BCAR3: variants seen among roughly 807,000 people sequenced by gnomAD.
BCAR3 encodes BCAR3 adaptor protein, NSP family member.
BCAR3 carries 37 observed loss-of-function variants against 80.1 expected under a neutral mutation model. That is an observed-to-expected ratio of 0.46 (90% confidence interval 0.36 to 0.61). The LOEUF is 0.61. BCAR3 is among the 20% of genes least tolerant of loss of function. The pLI, the probability that BCAR3 is intolerant of heterozygous loss-of-function variation, is 0.00. For missense variants in BCAR3, 978 were observed against 1,068.2 expected (o/e 0.92, Z 1.18); for synonymous variants, 389 against 418.9 (o/e 0.93, Z 0.87).
At chr1:93,837,338 A>T (rs542537830) in intron 2 of BCAR3, among the ~76,000 whole-genome samples, 5 of 152,254 alleles carry the variant, frequency 3.3e-5, no homozygotes, top group Non-Finnish European at 5.9e-5. Context: ...AGTTCATTTA[A>T]GCCTCAGTTG....
At chr1:93,715,824 T>A (rs1650170802) in intron 2 of BCAR3, among the ~76,000 whole-genome samples, 1 of 152,216 alleles carries the variant, frequency 6.6e-6, no homozygotes, top group Non-Finnish European at 1.5e-5. Context: ...CTAACCGAGA[T>A]AAAAGCTGTA....
chr1:93,563,752 G>C lies in BCAR3; in HGVS notation c.2300-1333C>G, dbSNP rs1016198087. Among the ~76,000 whole-genome samples, 5 of 152,112 alleles carry C rather than the reference G, an allele frequency of 3.3e-5. No individual in the cohort carries two copies. In the South Asian group the frequency reaches 6.2e-4, roughly 19 times the overall value. On this transcript the variant is annotated intron_variant, in intron 11 of 11. Coordinates refer to ENST00000260502, the MANE Select transcript of BCAR3 (RefSeq NM_003567.4). ...GTGTTGCCCAGGCTGGAGTGCAGTG[G>C]CACGATCCTGGCTCACCACAACCTC...
chr1:93,584,434 C>T (rs951831453), intron 5 of BCAR3, among the ~76,000 whole-genome samples: 10 of 152,132 alleles, frequency 6.6e-5, no homozygotes, highest in African/African-American at 2.4e-4. Context: ...ACGATACTCC[C>T]GGGAAAATCT....
At chr1:93,741,572 A>T (rs1017951166) in intron 2 of BCAR3, among the ~76,000 whole-genome samples, 2 of 152,090 alleles carry the variant, frequency 1.3e-5, no homozygotes, top group Non-Finnish European at 2.9e-5. Flanking sequence ...TTATTTTATT[A>T]TTATTATTAT....
chr1:93,633,625 G>C (rs1476884924), intron 3 of BCAR3, among the ~76,000 whole-genome samples: 1 of 152,046 alleles, frequency 6.6e-6, no homozygotes, highest in African/African-American at 2.4e-5. Flanking sequence ...TGAAATACAA[G>C]GCTTTAACTT....
At chr1:93,774,416 A>G (rs7536914) in intron 2 of BCAR3, among the ~76,000 whole-genome samples, 47,378 of 150,752 alleles carry the variant, frequency 0.31, 10,731 homozygotes, top group African/African-American at 0.64. Context: ...CCCAGGAGGC[A>G]GAGGTTGCAG....
At chr1:93,807,808 AG>A (rs1310777757) in intron 2 of BCAR3, among the ~76,000 whole-genome samples, 2 of 152,104 alleles carry the variant, frequency 1.3e-5, no homozygotes, top group Admixed American at 1.3e-4. Flanking sequence ...CAGAGGCAGG[AG>A]GAATGCTTGA....
intron 4 of BCAR3, among the ~76,000 whole-genome samples, chr1:93,591,583 T>C (rs980347613): frequency 1.3e-5 from 2 of 152,162 alleles, no homozygotes; most frequent in Non-Finnish European, 2.9e-5. Flanking sequence ...AGGTTTACAA[T>C]AAAAACCCAA....
chr1:93,829,565 G>A lies in BCAR3; in HGVS notation c.-63+16002C>T, dbSNP rs1654485824. On this transcript the variant is annotated intron_variant, in intron 2 of 13. Coordinates refer to the BCAR3 transcript ENST00000370244. ...CCGAGAACTCCCACCCTTTCTAGCT[G>A]CCTAAAAATTATTTCTTAATAACTC... 2.0e-5 allele frequency among the ~76,000 whole-genome samples: 3 copies of A among 151,554 alleles called. No homozygotes were observed. The South Asian group carries it at 6.3e-4, about 32-fold the overall frequency.
At chr1:93,712,445 G>A (rs1395843107) in intron 2 of BCAR3, among the ~76,000 whole-genome samples, 5 of 152,266 alleles carry the variant, frequency 3.3e-5, no homozygotes, top group South Asian at 2.1e-4. Flanking sequence ...CGTTCACCTC[G>A]TGCTCCTCAG....
At chr1:93,776,884 T>C (rs902986229) in intron 2 of BCAR3, among the ~76,000 whole-genome samples, 2 of 152,208 alleles carry the variant, frequency 1.3e-5, no homozygotes, top group African/African-American at 4.8e-5. Context: ...AAAGGATATG[T>C]TGAACATTTA....
At chr1:93,650,049 GAAA>G (rs111559560) in intron 2 of BCAR3, among the ~76,000 whole-genome samples, 2 of 138,134 alleles carry the variant, frequency 1.4e-5, no homozygotes, top group Admixed American at 7.3e-5. Context: ...CATTAATCAA[GAAA>G]AAAAAAAAAG....
chr1:93,725,632 T>C (rs1386474459), intron 2 of BCAR3, among the ~76,000 whole-genome samples: 1 of 152,244 alleles, frequency 6.6e-6, no homozygotes, highest in African/African-American at 2.4e-5. Context: ...CTTAACTTAT[T>C]AATCTTTTAT....
chr1:93,688,741 G>A (rs1190253446), intron 3 of BCAR3, among the ~76,000 whole-genome samples: 7 of 151,936 alleles, frequency 4.6e-5, no homozygotes, highest in African/African-American at 1.7e-4. Flanking sequence ...GATTACAGGC[G>A]TGTGCCACCA....
intron 2 of BCAR3, among the ~76,000 whole-genome samples, chr1:93,774,889 T>C (rs1315014329): frequency 1.3e-5 from 2 of 152,172 alleles, no homozygotes; most frequent in African/African-American, 4.8e-5. Flanking sequence ...AGATGTCTTG[T>C]ATAAAGTCCC....
At chr1:93,714,756 G>A (rs1383075510) in intron 2 of BCAR3, among the ~76,000 whole-genome samples, 1 of 149,158 alleles carries the variant, frequency 6.7e-6, no homozygotes, top group African/African-American at 2.5e-5. Context: ...AGGTTATCCT[G>A]TACCTACTTC....
At chr1:93,834,166 C>T (rs760455102) in intron 2 of BCAR3, among the ~76,000 whole-genome samples, 49 of 152,284 alleles carry the variant, frequency 3.2e-4, no homozygotes, top group Non-Finnish European at 6.0e-4. Context: ...GGATTAAAGC[C>T]TGTTATCACT....
At chr1:93,612,520 T>A (rs1674984302) in intron 3 of BCAR3, among the ~76,000 whole-genome samples, 1 of 152,160 alleles carries the variant, frequency 6.6e-6, no homozygotes, top group Non-Finnish European at 1.5e-5. Flanking sequence ...GACTCCCTCA[T>A]ACACCCAATG....
rs148598767 is a variant in BCAR3 at position 93,583,015 on chromosome 1, A to T, written c.1034-62T>A. ...TGTGTGGAGAATATAAAACAAACAA[A>T]ACCAGAGTGGCAGCTCCCCAGCCCT... On this transcript the variant is annotated intron_variant, in intron 6 of 11. Transcript: ENST00000260502. 1.5e-4 allele frequency: 229 copies of T among 1,483,590 alleles called. No individual in the cohort carries two copies. The African/African-American group carries it at 2.5e-3, about 16-fold the overall frequency. The allele number at this position is 1,483,590 out of a possible 1,614,324, so 91.9% of individuals were successfully genotyped here. A position where few individuals can be genotyped will look rare whatever the true frequency, so the allele number is the denominator to read the frequency against.
Sources: allele counts gnomAD v4.1 joint callset (sites outside exome capture counted in the v4.1 genomes callset), GRCh38; gene constraint gnomAD v4.1.1; transcripts MANE v1.5; gene names NCBI Gene and HGNC (gene_info 2026-07-23, HGNC 2026-07-21).